Variants in SLC25A48 observed in about 807,000 individuals in gnomAD.
SLC25A48 encodes CTC-321K16.1.
A neutral mutation model predicts 32.2 loss-of-function variants in SLC25A48; 29 were observed. That is an observed-to-expected ratio of 0.90 (90% CI 0.67 to 1.23). The LOEUF is 1.23. Ranked by LOEUF, SLC25A48 falls within the 50% of genes most tolerant of loss-of-function variation. The probability of loss-of-function intolerance (pLI) is 0.00; values close to 1 mark genes in which losing one functional copy is unlikely to be tolerated. For missense variants in SLC25A48, 399 were observed against 422.7 expected (o/e 0.94, Z 0.49); for synonymous variants, 164 against 172.3 (o/e 0.95, Z 0.38).
chr5:135,792,599 C>T (rs1278613605), intron 3 of SLC25A48, among the ~76,000 whole-genome samples: 1 of 151,698 alleles, frequency 6.6e-6, no homozygotes, highest in African/African-American at 2.4e-5. Context: ...TGTCACTGTG[C>T]ATTTACACCT....
Position 135,629,879 on chromosome 5 carries a change from G to A in SLC25A48, c.-709+503G>A, listed in dbSNP as rs117514603. Among the ~76,000 whole-genome samples the A allele has an allele frequency of 1.6e-3, 249 of 152,306 alleles. 1 individual carries two copies. Among genetic ancestry groups the A allele is most frequent in the Non-Finnish European group, 2.5e-3 (172 of 68,024 alleles). Reference sequence around the variant, plus strand: ...GGGCAGAAACTATCAAGAACTTGCCGAAAGTAGTTGGAAGTCACAGGCATG... The same window carrying A: ...GGGCAGAAACTATCAAGAACTTGCCAAAAGTAGTTGGAAGTCACAGGCATG... On this transcript the variant is annotated intron_variant, in intron 2 of 10. Coordinates refer to the SLC25A48 transcript ENST00000646290. The surrounding 1 kb of genome is among the most constrained non-coding windows in gnomAD (Gnocchi z 4.8).
chr5:135,743,443 A>C (rs1755558451), intron 3 of SLC25A48, among the ~76,000 whole-genome samples: 1 of 151,976 alleles, frequency 6.6e-6, no homozygotes, highest in Non-Finnish European at 1.5e-5. Context: ...GATTGTGCTA[A>C]TTGTCCTATG....
chr5:135,597,459 C>A (rs1486360210), intron 1 of SLC25A48, among the ~76,000 whole-genome samples: 1 of 152,132 alleles, frequency 6.6e-6, no homozygotes, highest in Admixed American at 6.5e-5. Context: ...GATCCAGGTA[C>A]CAGAAAACTG....
At chr5:135,620,229 T>G (rs1277832578) in intron 1 of SLC25A48, among the ~76,000 whole-genome samples, 6 of 152,182 alleles carry the variant, frequency 3.9e-5, no homozygotes, top group African/African-American at 1.4e-4. Context: ...TGGACCTGAC[T>G]TCAGACCCCA....
At chr5:135,601,305 C>G (rs1751790851) in intron 1 of SLC25A48, 1 of 152,286 alleles carries the variant, frequency 6.6e-6, no homozygotes, top group Non-Finnish European at 1.5e-5. Flanking sequence ...CATGTAAGAA[C>G]ACTTTGCATA....
intron 3 of SLC25A48, among the ~76,000 whole-genome samples, chr5:135,791,616 T>G (rs1301152447): frequency 6.6e-6 from 1 of 151,294 alleles, no homozygotes; most frequent in Non-Finnish European, 1.5e-5. Flanking sequence ...TCCTAGGTGG[T>G]TGTTACTCCT....
rs557637365 is a variant in SLC25A48 at position 135,738,128 on chromosome 5, T to C, written c.-520-74395T>C. The stretch of plus-strand genomic sequence containing the variant: ...TCCATGCCCTTCCTTCAGGGAACAC[T>C]TTAATCAGTTCCCTTTAGAGGAATT... On this transcript the variant is annotated intron_variant, in intron 3 of 10. Coordinates refer to the SLC25A48 transcript ENST00000646290. Among the ~76,000 whole-genome samples, 3 of 152,290 alleles carry C rather than the reference T, an allele frequency of 2.0e-5. 1 individual carries two copies. The South Asian group carries it at 6.2e-4, about 32-fold the overall frequency.
At chr5:135,620,196 T>G (rs550219908) in intron 1 of SLC25A48, among the ~76,000 whole-genome samples, 8 of 152,266 alleles carry the variant, frequency 5.3e-5, no homozygotes, top group African/African-American at 1.7e-4. Flanking sequence ...GGCTGCCCAC[T>G]ATGTTGGTGG....
chr5:135,836,358 C>CTTT (rs10710326), intron 1 of SLC25A48, among the ~76,000 whole-genome samples: 1 of 145,580 alleles, frequency 6.9e-6, no homozygotes, highest in Non-Finnish European at 1.5e-5. Context: ...AATAACATGG[C>CTTT]TTTTTTTTTT....
In SLC25A48 at chr5:135,879,348, T is replaced by C. The variant is rs568888983; in HGVS notation, c.814-620T>C. The stretch of plus-strand genomic sequence containing the variant: ...TCATTTAGTCCCTCCAACATTCTTA[T>C]CAGGTCAATTCTATTATTACCCGCC... On this transcript the variant is annotated intron_variant, in intron 6 of 7. Coordinates refer to ENST00000681962, the MANE Select transcript of SLC25A48 (RefSeq NM_001349336.2). 6.6e-5 allele frequency among the ~76,000 whole-genome samples: 10 copies of C among 152,278 alleles called. No individual in the cohort carries two copies. In the East Asian group the frequency reaches 1.9e-3, roughly 29 times the overall value.
At chr5:135,658,034 CCAAAATCTCATGTCCTTCTCA>C (rs1219111841) in intron 3 of SLC25A48, among the ~76,000 whole-genome samples, 1 of 152,160 alleles carries the variant, frequency 6.6e-6, no homozygotes, top group Non-Finnish European at 1.5e-5. Context: ...CCTGGCCACT[CCAAAATCTCATGTCCTTCTCA>C]CATTTCAAAA....
chr5:135,645,037 A>G (rs1176645616), intron 3 of SLC25A48, among the ~76,000 whole-genome samples: 2 of 152,204 alleles, frequency 1.3e-5, no homozygotes, highest in East Asian at 3.8e-4. Context: ...ATTCTAAAAC[A>G]GCCAAAGGCT....
chr5:135,856,717 A>G (rs1040727132), intron 4 of SLC25A48, among the ~76,000 whole-genome samples: 4 of 152,190 alleles, frequency 2.6e-5, no homozygotes, highest in Non-Finnish European at 5.9e-5. Context: ...GCACAATTCA[A>G]TTTGATTCAA....
chr5:135,715,767 CTCTT>C (rs2126978330), intron 3 of SLC25A48, among the ~76,000 whole-genome samples: 1 of 152,346 alleles, frequency 6.6e-6, no homozygotes, highest in African/African-American at 2.4e-5. Context: ...TGCCTTTTCT[CTCTT>C]AGAACCACTT....
chr5:135,882,616 C>A (rs1422114330), intron 7 of SLC25A48, among the ~76,000 whole-genome samples: 1 of 152,120 alleles, frequency 6.6e-6, no homozygotes, highest in African/African-American at 2.4e-5. Context: ...TGGAGATATC[C>A]CCCAGCTTTT....
chr5:135,689,675 G>A lies in SLC25A48; in HGVS notation c.-521+54719G>A, dbSNP rs943681124. Among the ~76,000 whole-genome samples the A allele has an allele frequency of 3.3e-5, 5 of 152,278 alleles. No homozygotes were observed. In the East Asian group the frequency reaches 9.6e-4, roughly 29 times the overall value. ...GAAGGTCCTAAAACTCCATTGTGCC[G>A]ACTCATTTCCTTGTTGGTAAAAGAG... On this transcript the variant is annotated intron_variant, in intron 3 of 10. Transcript: ENST00000646290.
chr5:135,852,941 A>G, intron 4 of SLC25A48, 120 bp downstream of exon 4: 1 of 1,338,448 alleles, frequency 7.5e-7, no homozygotes, highest in Non-Finnish European at 1.0e-6. Context: ...CTTGTCACCT[A>G]GTAGTCCGTA....
intron 3 of SLC25A48, among the ~76,000 whole-genome samples, chr5:135,686,289 A>G (rs1754019415): frequency 6.6e-6 from 1 of 152,160 alleles, no homozygotes; most frequent in African/African-American, 2.4e-5. Flanking sequence ...GGTTGTAGAG[A>G]GGATTAAATT....
chr5:135,667,784 A>G (rs1488806667), intron 3 of SLC25A48, among the ~76,000 whole-genome samples: 1 of 152,250 alleles, frequency 6.6e-6, no homozygotes, highest in African/African-American at 2.4e-5. Context: ...GTCATTTAAA[A>G]GTTCTGTCCA....
Sources: gnomAD v4.1 joint callset for allele counts (sites outside exome capture counted in the v4.1 genomes callset) on GRCh38, gnomAD v4.1.1 for gene constraint, Gnocchi (gnomAD v3.1) non-coding constraint, MANE v1.5 for transcripts, NCBI Gene and HGNC (gene_info 2026-07-23, HGNC 2026-07-21) for gene names.